The following B3GALT1 variants were observed in gnomAD, a reference collection of about 807,000 sequenced individuals.
B3GALT1 encodes UDP-Gal:betaGlcNAc beta 1,3-galactosyltransferase, polypeptide 1.
B3GALT1 carries 10 observed loss-of-function variants against 23.2 expected under a neutral mutation model. The observed-to-expected ratio is 0.43, with a 90% CI of 0.27 to 0.73. B3GALT1 has a LOEUF of 0.73. Ranked by LOEUF, B3GALT1 falls within the 30% of genes least tolerant of loss-of-function variation. The pLI is 0.21. For missense variants in B3GALT1, 299 were observed against 405.4 expected (o/e 0.74, Z 2.25); for synonymous variants, 156 against 141.5 (o/e 1.10, Z -0.73).
intron 1 of B3GALT1, among the ~76,000 whole-genome samples, chr2:167,320,102 C>T (rs1013497402): frequency 6.6e-6 from 1 of 151,784 alleles, no homozygotes; most frequent in Non-Finnish European, 1.5e-5. Flanking sequence ...CTGCCTTTAA[C>T]AGTTAAGTCG....
At chr2:167,409,200 A>G (rs1323361409) in intron 1 of B3GALT1, among the ~76,000 whole-genome samples, 2 of 152,266 alleles carry the variant, frequency 1.3e-5, no homozygotes, top group Admixed American at 6.5e-5. Flanking sequence ...CTTCATTTCA[A>G]CCTTGGAGAA....
intron 3 of B3GALT1, among the ~76,000 whole-genome samples, chr2:167,787,904 G>C (rs963255696): frequency 1.2e-4 from 18 of 152,152 alleles, no homozygotes; most frequent in African/African-American, 4.3e-4. Context: ...AGGAGACCTT[G>C]AACGTGCCCC....
At chr2:167,681,851 G>A (rs1165974632) in intron 3 of B3GALT1, among the ~76,000 whole-genome samples, 1 of 152,206 alleles carries the variant, frequency 6.6e-6, no homozygotes, top group Non-Finnish European at 1.5e-5. Flanking sequence ...TTTGTCAGTA[G>A]TGCAGGCTGT....
At chr2:167,351,295 A>G (rs1697304746) in intron 1 of B3GALT1, among the ~76,000 whole-genome samples, 1 of 151,936 alleles carries the variant, frequency 6.6e-6, no homozygotes, top group African/African-American at 2.4e-5. Flanking sequence ...GAAAACAAAA[A>G]AAACCACACA....
At chr2:167,854,395 C>G (rs1168630254) in intron 4 of B3GALT1, among the ~76,000 whole-genome samples, 1 of 152,166 alleles carries the variant, frequency 6.6e-6, no homozygotes, top group African/African-American at 2.4e-5. Context: ...TGGCCATGAA[C>G]AATGCAGCCC....
At chr2:167,324,056 C>T (rs1021735818) in intron 1 of B3GALT1, among the ~76,000 whole-genome samples, 3 of 151,940 alleles carry the variant, frequency 2.0e-5, no homozygotes, top group Non-Finnish European at 4.4e-5. Context: ...GCTGTGGGCT[C>T]ACATGTGACT....
intron 2 of B3GALT1, among the ~76,000 whole-genome samples, chr2:167,610,052 AT>A (rs1450626985): frequency 1.3e-5 from 2 of 152,136 alleles, no homozygotes; most frequent in East Asian, 3.9e-4. Flanking sequence ...TGCAAAAAAA[AT>A]ATTTTTTTGA....
Position 167,716,102 on chromosome 2 carries a change from C to G in B3GALT1, c.-352+69136C>G, listed in dbSNP as rs965020093. 4 of 1,518,514 alleles carry G rather than the reference C, an allele frequency of 2.6e-6. No homozygotes were observed. In the African/African-American group the frequency reaches 5.5e-5, roughly 21 times the overall value. 94.1% of individuals were successfully genotyped at this position (1,518,514 alleles called of 1,614,324 possible). A position where few individuals can be genotyped will look rare whatever the true frequency, so the allele number is the denominator to read the frequency against. ...GCTCTGGCGGTCACCGCAGTTAACA[C>G]TGGCCACAACAAGCGGTGGAGAACA... On this transcript the variant is annotated intron_variant, in intron 3 of 4. Transcript: ENST00000392690.
At chr2:167,574,813 A>G (rs556569059) in intron 2 of B3GALT1, among the ~76,000 whole-genome samples, 2 of 151,864 alleles carry the variant, frequency 1.3e-5, no homozygotes, top group East Asian at 1.9e-4. Context: ...TTAATTCTAG[A>G]TACATTTCTT....
rs60988982 is a variant in B3GALT1 at position 167,512,579 on chromosome 2, T to C, written c.-410+22302T>C. On this transcript the variant is annotated intron_variant, in intron 2 of 4. Coordinates refer to ENST00000392690, the MANE Select transcript of B3GALT1 (RefSeq NM_020981.4). Reference sequence around the variant, plus strand: ...ATGTATATATATATGTATATATATATGTATATATATATGTGTATATATATA... The same window carrying C: ...ATGTATATATATATGTATATATATACGTATATATATATGTGTATATATATA... Among the ~76,000 whole-genome samples the C allele has an allele frequency of 1.2e-3, 122 of 99,798 alleles. 1 individual carries two copies. Among genetic ancestry groups the C allele is most frequent in the African/African-American group, 2.3e-3 (56 of 24,184 alleles). The allele number at this position is 99,798 out of a possible 152,430, so 65.5% of individuals were successfully genotyped here. A position where few individuals can be genotyped will look rare whatever the true frequency, so the allele number is the denominator to read the frequency against.
At chr2:167,848,486 C>G (rs1195718313) in intron 4 of B3GALT1, among the ~76,000 whole-genome samples, 1 of 152,134 alleles carries the variant, frequency 6.6e-6, no homozygotes, top group Non-Finnish European at 1.5e-5. Flanking sequence ...GAATTAAAAA[C>G]AAAATTCACA....
chr2:167,612,379 A>ATTC (rs1685082490), intron 2 of B3GALT1, among the ~76,000 whole-genome samples: 1 of 149,592 alleles, frequency 6.7e-6, no homozygotes, highest in African/African-American at 2.5e-5. Flanking sequence ...TATTATTATT[A>ATTC]TTATTATTAT....
At chr2:167,597,494 G>C (rs1684799916) in intron 2 of B3GALT1, among the ~76,000 whole-genome samples, 2 of 152,182 alleles carry the variant, frequency 1.3e-5, no homozygotes, top group South Asian at 4.1e-4. Context: ...TTCAGGGGCA[G>C]AATGTGTAAA....
intron 2 of B3GALT1, among the ~76,000 whole-genome samples, chr2:167,627,183 T>A (rs1410655745): frequency 6.6e-6 from 1 of 151,820 alleles, no homozygotes; most frequent in Middle Eastern, 3.4e-3. Context: ...TCAGTTTTTT[T>A]ATAATGTTTG....
intron 1 of B3GALT1, among the ~76,000 whole-genome samples, chr2:167,324,550 T>C (rs1443300336): frequency 1.3e-5 from 2 of 152,110 alleles, no homozygotes; most frequent in Non-Finnish European, 2.9e-5. Flanking sequence ...TGGTAGGTTT[T>C]AATTTACTCA....
intron 4 of B3GALT1, among the ~76,000 whole-genome samples, chr2:167,819,366 C>T (rs1419545654): frequency 2.6e-5 from 4 of 152,136 alleles, no homozygotes; most frequent in Admixed American, 2.0e-4. Context: ...AATGATGGTA[C>T]AGTTATTAAA....
chr2:167,444,755 C>G (rs1698953685), intron 1 of B3GALT1, among the ~76,000 whole-genome samples: 1 of 151,980 alleles, frequency 6.6e-6, no homozygotes, highest in South Asian at 2.1e-4. Context: ...ATTCTTCTCC[C>G]TTTTCTTCTT....
intron 1 of B3GALT1, among the ~76,000 whole-genome samples, chr2:167,311,197 T>C (rs776154736): frequency 6.6e-6 from 1 of 152,154 alleles, no homozygotes; most frequent in Non-Finnish European, 1.5e-5. Flanking sequence ...GCTATAGTTA[T>C]ACACAGAATG....
At chr2:167,519,797 C>T (rs1358098021) in intron 2 of B3GALT1, among the ~76,000 whole-genome samples, 1 of 152,114 alleles carries the variant, frequency 6.6e-6, no homozygotes, top group South Asian at 2.1e-4. Flanking sequence ...ATTGGCCATG[C>T]ACGGTGGCTC....
Sources: gnomAD v4.1 joint callset for allele counts (sites outside exome capture counted in the v4.1 genomes callset) on GRCh38, gnomAD v4.1.1 for gene constraint, MANE v1.5 for transcripts, NCBI Gene and HGNC (gene_info 2026-07-23, HGNC 2026-07-21) for gene names.